DNAH9: variants seen among roughly 807,000 people sequenced by gnomAD.
DNAH9 encodes dynein axonemal heavy chain 9.
In DNAH9, 345 loss-of-function variants were observed where a neutral mutation model predicts 471.6. That is an observed-to-expected ratio of 0.73 (90% CI 0.67 to 0.80). DNAH9 has a LOEUF of 0.80. Among genes scored for constraint, DNAH9 ranks in the 30% least tolerant of loss-of-function variants. The pLI, the probability that DNAH9 is intolerant of heterozygous loss-of-function variation, is 0.00. For missense variants in DNAH9, 5,407 were observed against 5,609.2 expected (o/e 0.96, Z 1.15); for synonymous variants, 2,093 against 2,123.6 (o/e 0.99, Z 0.40).
chr17:11,818,549 G>C (rs1970192791), intron 45 of DNAH9, among the ~76,000 whole-genome samples: 1 of 152,080 alleles, frequency 6.6e-6, no homozygotes, highest in Admixed American at 6.5e-5. Flanking sequence ...GTAAAAGCAT[G>C]TGTGAACAGC....
intron 12 of DNAH9, 55 bp from the exon 13 acceptor site, chr17:11,651,014 G>C (rs1416045522): frequency 6.4e-7 from 1 of 1,572,308 alleles, no homozygotes; most frequent in Non-Finnish European, 8.7e-7. Context: ...GACCAATGCT[G>C]CAGATTATTC....
In DNAH9 at chr17:11,875,148, G is replaced by A. The variant is rs769955283; in HGVS notation, c.10442G>A (p.Gly3481Asp). Residue 3481 changes from glycine (G) to aspartate (D), a missense_variant, in exon 53 of 69, where the codon GGT becomes GAT. Physicochemically the swap from Gly to Asp is moderately conservative, Grantham distance 94. Transcript: ENST00000262442. ...ATCAAATGGATCAAGAATAAATATG[G>A]TGAAGATCTCCGGGTCACGCAGATT... Reference protein sequence around the residue: ...QGIKWIKNKYGEDLRVTQIGQ... With the variant: ...QGIKWIKNKYDEDLRVTQIGQ... 1.2e-6 allele frequency: 2 copies of A among 1,614,144 alleles called. No homozygotes were observed. The highest frequency in any genetic ancestry group is 1.1e-5 in the South Asian group (1 of 91,068).
At position 11,742,288 on chromosome 17, in the gene DNAH9, T is replaced by G; in HGVS notation, c.6086T>G (p.Leu2029Trp). Residue 2029 changes from leucine (L) to tryptophan (W), a missense_variant, in exon 30 of 69, where the codon TTG becomes TGG. Around this residue, in one of 3 missense-constraint regions of DNAH9, gnomAD observed 4,636 missense variants for 4,900.3 expected, o/e 0.95. Coordinates refer to ENST00000262442, the MANE Select transcript of DNAH9 (RefSeq NM_001372.4). ...AGAAAGTTCATCACTCTTTACCAGT[T>G]GTGCAAAGAGCTTCTCTCCAAACAG... ...LARKFITLYQ[L>W]CKELLSKQDH... 6.2e-7 allele frequency: 1 copy of G among 1,614,110 alleles called. No individual in the cohort carries two copies. The highest frequency in any genetic ancestry group is 8.5e-7 in the Non-Finnish European group (1 of 1,179,972).
chr17:11,608,072 C>G, intron 1 of DNAH9, 57 bp from the exon 2 acceptor site: 2 of 1,363,526 alleles, frequency 1.5e-6, no homozygotes, highest in Non-Finnish European at 2.0e-6. Context: ...ATGAGGATTT[C>G]TTTAAGTTCT....
intron 52 of DNAH9, among the ~76,000 whole-genome samples, chr17:11,872,203 A>C (rs1352585700): frequency 6.6e-6 from 1 of 152,038 alleles, no homozygotes; most frequent in African/African-American, 2.4e-5. Context: ...CTGGGCCCTA[A>C]AGCTACACAG....
chr17:11,881,550 C>CTGGAGT, intron 55 of DNAH9, 137 bp downstream of exon 55: 1 of 800,098 alleles, frequency 1.2e-6, no homozygotes, highest in South Asian at 2.0e-5. Context: ...CTGCTGACCC[C>CTGGAGT]ATGTAGCAAC....
intron 53 of DNAH9, among the ~76,000 whole-genome samples, chr17:11,878,754 C>T (rs61295225): frequency 0.15 from 22,716 of 151,906 alleles, 2,610 homozygotes; most frequent in African/African-American, 0.32. Context: ...GGTGTCTCAC[C>T]ATATTGCCCA....
chr17:11,795,940 A>G lies in DNAH9; in HGVS notation c.8224-1657A>G, dbSNP rs76463358. 3.9e-3 allele frequency among the ~76,000 whole-genome samples: 595 copies of G among 152,292 alleles called. 6 individuals carry two copies. Among genetic ancestry groups the G allele is most frequent in the African/African-American group, 0.014 (564 of 41,572 alleles). ...ATTGGTATCAAGGAAAAGTTGCCAG[A>G]TTTTCACCAACAAAGCAATAAAATC... On this transcript the variant is annotated intron_variant, in intron 42 of 68. Transcript: ENST00000262442.
In DNAH9 at chr17:11,598,521, C is replaced by A; in HGVS notation, c.23C>A (p.Ala8Asp). Residue 8 changes from alanine (A) to aspartate (D), a missense_variant, in exon 1 of 69, where the codon GCC becomes GAC. By Grantham distance (126) the Ala-to-Asp change is moderately radical (BLOSUM62 -2). Around this residue, in one of 3 missense-constraint regions of DNAH9, gnomAD observed 767 missense variants for 692.5 expected, o/e 1.11. Transcript: ENST00000262442. The stretch of plus-strand genomic sequence containing the variant: ...GCGATGCGGCTCGCGGAGGAGCGGG[C>A]CGCGCTCGCGGCGGAGAACGCGGAT... MRLAEER[A>D]ALAAENADGE... 2 of 1,345,748 alleles carry A rather than the reference C, an allele frequency of 1.5e-6. No homozygotes were observed. Among genetic ancestry groups the A allele is most frequent in the South Asian group, 3.3e-5 (2 of 60,386 alleles). The allele number at this position is 1,345,748 out of a possible 1,614,324, so 83.4% of individuals were successfully genotyped here. A position where few individuals can be genotyped will look rare whatever the true frequency, so the allele number is the denominator to read the frequency against.
In DNAH9 at chr17:11,851,510, G is replaced by A. The variant is rs574855761; in HGVS notation, c.9508-2493G>A. ...AGAGACCTGAGGTGGCAATGAGCTT[G>A]GCAAGTCAATACACTGAAAGAAGGT... On this transcript the variant is annotated intron_variant, in intron 49 of 68. Coordinates refer to ENST00000262442, the MANE Select transcript of DNAH9 (RefSeq NM_001372.4). Among the ~76,000 whole-genome samples, 18 of 152,240 alleles carry A rather than the reference G, an allele frequency of 1.2e-4. No individual in the cohort carries two copies. In the East Asian group the frequency reaches 3.3e-3, roughly 28 times the overall value.
rs1051191607 is a variant in DNAH9, at chr17:11,632,674, G to T, written c.1606G>T (p.Asp536Tyr). 6 of 1,604,490 alleles carry T rather than the reference G, an allele frequency of 3.7e-6. No individual in the cohort carries two copies. In the African/African-American group the frequency reaches 8.0e-5, roughly 21 times the overall value. The part of the protein sequence containing the change: ...LGTIFIQAFD[D>Y]APGLEHAFKL... ...GACTATCTTTATTCAAGCTTTTGAT[G>T]ATGCACCTGGCTTGGAGCATGCCTT... Residue 536 changes from aspartate to tyrosine, a missense_variant, in exon 8 of 69, where the codon GAT (aspartate) becomes TAT (tyrosine). Asp to Tyr is a radical substitution (Grantham distance 160, BLOSUM62 -3). Around this residue, in one of 3 missense-constraint regions of DNAH9, gnomAD observed 767 missense variants for 692.5 expected, o/e 1.11. Transcript: ENST00000262442.
intron 56 of DNAH9, chr17:11,884,332 C>T: frequency 3.8e-6 from 1 of 260,048 alleles, no homozygotes; most frequent in Non-Finnish European, 7.8e-6. Context: ...CCTGTGAGGA[C>T]TAGAAGACGG....
intron 52 of DNAH9, among the ~76,000 whole-genome samples, chr17:11,874,066 G>A (rs190865000): frequency 7.8e-4 from 118 of 152,050 alleles, no homozygotes; most frequent in Non-Finnish European, 1.4e-3. Context: ...CCAACATGGT[G>A]AAACCTCGTC....
chr17:11,692,199 G>GT (rs368046377), intron 20 of DNAH9, among the ~76,000 whole-genome samples: 22,329 of 152,120 alleles, frequency 0.15, 1,742 homozygotes, highest in Middle Eastern at 0.19. Context: ...ACTTGCAGCT[G>GT]TGGGACCTTG....
chr17:11,958,443 G>A (rs1975785923), intron 67 of DNAH9, among the ~76,000 whole-genome samples: 1 of 152,154 alleles, frequency 6.6e-6, no homozygotes, highest in African/African-American at 2.4e-5. Context: ...CTAAAATGGT[G>A]GATACGTGGC....
In DNAH9 at chr17:11,709,042, A is replaced by G. The variant is rs188731575; in HGVS notation, c.5552+3857A>G. Among the ~76,000 whole-genome samples the G allele has an allele frequency of 2.0e-5, 3 of 152,326 alleles. No individual in the cohort carries two copies. In the East Asian group the frequency reaches 5.8e-4, roughly 29 times the overall value. ...AGACATTATCATTCCAAGTGATAAA[A>G]AGTACAAGATTTGTCTTTTCCCTGG... On this transcript the variant is annotated intron_variant, in intron 26 of 68. Transcript: ENST00000262442.
chr17:11,793,625 T>C lies in DNAH9; in HGVS notation c.8184T>C (p.Phe2728=), dbSNP rs1969137793. 1.2e-6 allele frequency: 2 copies of C among 1,613,818 alleles called. No individual in the cohort carries two copies. The highest frequency in any genetic ancestry group is 8.5e-7 in the Non-Finnish European group (1 of 1,179,934). The part of the protein sequence containing the change: ...KMVEEKDFDL[F]DKIQTEVLKK... The stretch of plus-strand genomic sequence containing the variant: ...TAGAAGAAAAGGACTTTGATCTTTT[T>C]GATAAAATCCAGACAGAAGTGCTCA... Residue 2728 remains phenylalanine, a synonymous_variant, in exon 42 of 69, where the codon TTT becomes TTC. Coordinates refer to ENST00000262442, the MANE Select transcript of DNAH9 (RefSeq NM_001372.4).
chr17:11,708,053 A>AGAGAGAGAGAGC (rs1212348509), intron 26 of DNAH9, among the ~76,000 whole-genome samples: 3 of 147,866 alleles, frequency 2.0e-5, no homozygotes, highest in East Asian at 4.1e-4. Context: ...AGAGAGAGAG[A>AGAGAGAGAGAGC]GAGCAGGTAA....
At chr17:11,761,381 G>A (rs1389648332) in intron 35 of DNAH9, among the ~76,000 whole-genome samples, 1 of 152,182 alleles carries the variant, frequency 6.6e-6, no homozygotes, top group East Asian at 1.9e-4. Context: ...TGTAAAAGCG[G>A]GGTGGAGAGA....
Sources: gnomAD v4.1 joint callset for allele counts (sites outside exome capture counted in the v4.1 genomes callset) on GRCh38, gnomAD v4.1.1 for gene constraint, gnomAD v4.1.1 regional missense constraint, MANE v1.5 for transcripts, NCBI Gene and HGNC (gene_info 2026-07-23, HGNC 2026-07-21) for gene names.